EPB41L4A: variants seen among roughly 807,000 people sequenced by gnomAD.
EPB41L4A encodes band 4.1-like protein 4A.
A neutral mutation model predicts 108.6 loss-of-function variants in EPB41L4A; 100 were observed. The ratio of observed to expected loss-of-function variants is 0.92; its 90% CI spans 0.78 to 1.09. The LOEUF (loss-of-function observed/expected upper bound fraction) is 1.09. Among genes scored for constraint, EPB41L4A ranks in the 50% least tolerant of loss-of-function variants. The pLI, the probability that EPB41L4A is intolerant of heterozygous loss-of-function variation, is 0.00. For synonymous variants in EPB41L4A, 319 were observed against 289.0 expected, an observed-to-expected ratio of 1.10 and a Z score of -1.05; for missense variants, 1,030 against 842.7, an observed-to-expected ratio of 1.22 and a Z score of -2.75.
At chr5:112,211,359 G>T (rs962068849) in intron 12 of EPB41L4A, among the ~76,000 whole-genome samples, 2 of 152,146 alleles carry the variant, frequency 1.3e-5, no homozygotes, top group African/African-American at 4.8e-5. Flanking sequence ...CGAGGCGGGC[G>T]GATCACGAGG....
At chr5:112,341,668 T>C (rs1317765671) in intron 1 of EPB41L4A, among the ~76,000 whole-genome samples, 1 of 152,014 alleles carries the variant, frequency 6.6e-6, no homozygotes, top group Non-Finnish European at 1.5e-5. Flanking sequence ...TTCTGGCACT[T>C]TGGGAGGCTG....
intron 9 of EPB41L4A, among the ~76,000 whole-genome samples, chr5:112,241,066 T>C (rs1015476541): frequency 2.6e-5 from 4 of 152,152 alleles, no homozygotes; most frequent in Admixed American, 2.0e-4. Flanking sequence ...TGACAATAGA[T>C]AGTTTGGACG....
chr5:112,175,884 GC>G (rs914156499), intron 18 of EPB41L4A, among the ~76,000 whole-genome samples: 31 of 152,032 alleles, frequency 2.0e-4, no homozygotes, highest in African/African-American at 7.5e-4. Context: ...TCCCTCCTCA[GC>G]CTCCCAAGTA....
chr5:112,172,813 C>CT (rs1477633348), intron 18 of EPB41L4A, among the ~76,000 whole-genome samples: 2 of 152,266 alleles, frequency 1.3e-5, no homozygotes, highest in African/African-American at 4.8e-5. Flanking sequence ...GATCATTATT[C>CT]TTATTTCAGG....
intron 21 of EPB41L4A, 68 bp from the exon 22 acceptor site, chr5:112,168,888 G>T (rs1254857823): frequency 6.7e-7 from 1 of 1,502,718 alleles, no homozygotes; most frequent in Non-Finnish European, 9.3e-7. Flanking sequence ...AGTTGGAAGA[G>T]AACTACAGTG....
At chr5:112,195,787 CTTCAG>C (rs1251678887) in intron 15 of EPB41L4A, 79 bp from the exon 16 acceptor site, 3 of 1,220,494 alleles carry the variant, frequency 2.5e-6, no homozygotes, top group Non-Finnish European at 3.6e-6. Flanking sequence ...ATGAGTTTCA[CTTCAG>C]TTAACACATA....
At chr5:112,223,391 C>G (rs1226861634) in intron 12 of EPB41L4A, among the ~76,000 whole-genome samples, 1 of 151,968 alleles carries the variant, frequency 6.6e-6, no homozygotes, top group Non-Finnish European at 1.5e-5. Context: ...AAAATCAATC[C>G]CAGAGTTTTC....
chr5:112,259,309 A>T lies in EPB41L4A; in HGVS notation c.732-17T>A. The stretch of plus-strand genomic sequence containing the variant: ...ATCCGAGGCCTAAAAAACAAAGCAG[A>T]TGGTGTTGCTGCTGTTTTTAAGTAT... On this transcript the variant is annotated splice_polypyrimidine_tract_variant and intron_variant, in intron 8 of 22. Coordinates refer to ENST00000261486, the MANE Select transcript of EPB41L4A (RefSeq NM_022140.5). The T allele has an allele frequency of 1.2e-6, 2 of 1,608,738 alleles. No individual in the cohort carries two copies. Among genetic ancestry groups the T allele is most frequent in the Non-Finnish European group, 1.7e-6 (2 of 1,175,224 alleles).
At chr5:112,151,354 T>A (rs1392287160) in intron 12 of EPB41L4A, among the ~76,000 whole-genome samples, 1 of 149,528 alleles carries the variant, frequency 6.7e-6, no homozygotes, top group African/African-American at 2.5e-5. Flanking sequence ...TCCTTGTTTT[T>A]TTTTTTATTC....
chr5:112,378,111 AT>A (rs1759938147), intron 1 of EPB41L4A, among the ~76,000 whole-genome samples: 1 of 152,210 alleles, frequency 6.6e-6, no homozygotes, highest in East Asian at 1.9e-4. Flanking sequence ...GGAGAAATTT[AT>A]TTCAACATAA....
chr5:112,230,676 T>G (rs1748848386), intron 12 of EPB41L4A, among the ~76,000 whole-genome samples: 1 of 151,528 alleles, frequency 6.6e-6, no homozygotes, highest in African/African-American at 2.5e-5. Context: ...AGTCTGTGGG[T>G]TGACTGTTTA....
intron 1 of EPB41L4A, among the ~76,000 whole-genome samples, chr5:112,353,009 G>C (rs1421922820): frequency 2.0e-5 from 3 of 152,114 alleles, no homozygotes; most frequent in African/African-American, 7.2e-5. Flanking sequence ...CTATAGTGTT[G>C]GTTAGGTAAG....
chr5:112,416,139 G>A (rs896328365), intron 1 of EPB41L4A, among the ~76,000 whole-genome samples: 5 of 151,422 alleles, frequency 3.3e-5, no homozygotes, highest in Admixed American at 2.0e-4. Flanking sequence ...TTCTAACATC[G>A]ATGAAAAACT....
chr5:112,163,249 A>G lies in EPB41L4A; in HGVS notation c.*1741T>C, dbSNP rs1220571808. ...AATAGTGGAGGTGTCCATAACTGCT[A>G]GGTGTCCAGCTTGCACACTGATGAG... On this transcript the variant is annotated 3_prime_UTR_variant, in exon 23 of 23. Transcript: ENST00000261486. 1 of 152,214 alleles carries G rather than the reference A, an allele frequency of 6.6e-6. No homozygotes were observed. Among genetic ancestry groups the G allele is most frequent in the East Asian group, 1.9e-4 (1 of 5,202 alleles). 9.4% of individuals were successfully genotyped at this position (152,214 alleles called of 1,614,324 possible). A position where few individuals can be genotyped will look rare whatever the true frequency, so the allele number is the denominator to read the frequency against.
intron 4 of EPB41L4A, among the ~76,000 whole-genome samples, chr5:112,267,766 T>C (rs903328180): frequency 3.3e-5 from 5 of 152,134 alleles, no homozygotes; most frequent in South Asian, 2.1e-4. Context: ...AACAGGATCA[T>C]GTCACTCTTT....
At chr5:112,400,550 GT>G (rs1388946225) in intron 1 of EPB41L4A, among the ~76,000 whole-genome samples, 98 of 151,078 alleles carry the variant, frequency 6.5e-4, no homozygotes, top group African/African-American at 2.3e-3. Flanking sequence ...AAGAAAGAAA[GT>G]GTCAGAGGGA....
chr5:112,263,264 G>C (rs183566486), intron 6 of EPB41L4A: 38 of 152,296 alleles, frequency 2.5e-4, no homozygotes, highest in Admixed American at 2.3e-3. Context: ...GTGAGAGAGA[G>C]AGAGGGATTG....
At chr5:112,204,011 C>T (rs1762344875) in intron 15 of EPB41L4A, among the ~76,000 whole-genome samples, 1 of 151,578 alleles carries the variant, frequency 6.6e-6, no homozygotes, top group South Asian at 2.1e-4. Context: ...TGCACTCCAG[C>T]CTAGGCAACA....
At chr5:112,343,969 T>C (rs895308124) in intron 1 of EPB41L4A, among the ~76,000 whole-genome samples, 1 of 152,180 alleles carries the variant, frequency 6.6e-6, no homozygotes, top group African/African-American at 2.4e-5. Context: ...AACAAGAAGA[T>C]TGCTTGAGCC....
Sources: gnomAD v4.1 joint callset for allele counts (sites outside exome capture counted in the v4.1 genomes callset) on GRCh38, gnomAD v4.1.1 for gene constraint, MANE v1.5 for transcripts, NCBI Gene and HGNC (gene_info 2026-07-23, HGNC 2026-07-21) for gene names.